The following DOCK6 variants were observed in gnomAD, a reference collection of about 807,000 sequenced individuals.
DOCK6 encodes dedicator of cytokinesis protein 6.
DOCK6 carries 167 observed loss-of-function variants against 230.3 expected under a neutral mutation model. That is an observed-to-expected ratio of 0.73 (90% CI 0.64 to 0.82). The LOEUF is 0.82. Ranked by LOEUF, DOCK6 falls within the 40% of genes least tolerant of loss-of-function variation. The probability of loss-of-function intolerance (pLI) is 0.00; values close to 1 mark genes in which losing one functional copy is unlikely to be tolerated. For missense variants in DOCK6, 2,598 were observed against 2,825.8 expected, an observed-to-expected ratio of 0.92 and a Z score of 1.83; for synonymous variants, 1,148 against 1,185.0, an observed-to-expected ratio of 0.97 and a Z score of 0.64.
At position 11,213,187 on chromosome 19, in the gene DOCK6, C is replaced by T. The variant is rs568049240; in HGVS notation, c.4480G>A (p.Glu1494Lys). Residue 1494 changes from glutamate (E) to lysine (K), a missense_variant, in exon 35 of 48, where the codon GAG (glutamate) becomes AAG (lysine). Coordinates refer to ENST00000294618, the MANE Select transcript of DOCK6 (RefSeq NM_020812.4). ...TAGCCCCCACTCACGTGGCCGATCTCGAAGTTCTGTCGCATGAGCAGGTAC... is the reference window on the plus strand; with the variant it reads ...TAGCCCCCACTCACGTGGCCGATCTTGAAGTTCTGTCGCATGAGCAGGTAC... ...SLYLLMRQNF[E>K]IGHNFARVKM... The T allele has an allele frequency of 5.0e-6, 8 of 1,612,000 alleles. No individual in the cohort carries two copies. Among genetic ancestry groups the T allele is most frequent in the South Asian group, 2.2e-5 (2 of 91,046 alleles).
chr19:11,252,789 T>C lies in DOCK6; in HGVS notation c.302A>G (p.Lys101Arg), dbSNP rs765353906. Reference sequence around the variant, plus strand: ...GGCGTGGGGCTGAACCCACTCATCCTTGGGGATCCCGGGCTCCGTGGTCCG... The same window carrying C: ...GGCGTGGGGCTGAACCCACTCATCCCTGGGGATCCCGGGCTCCGTGGTCCG... Reference protein sequence around the residue: ...ECRTTEPGIPKDEKLDAQVRA... With the variant: ...ECRTTEPGIPRDEKLDAQVRA... Residue 101 changes from lysine to arginine, a missense_variant, in exon 3 of 48, where the codon AAG (lysine) becomes AGG (arginine). Physicochemically the swap from Lys to Arg is conservative, Grantham distance 26. Coordinates refer to ENST00000294618, the MANE Select transcript of DOCK6 (RefSeq NM_020812.4). 14 of 1,610,636 alleles carry C rather than the reference T, an allele frequency of 8.7e-6. No individual in the cohort carries two copies. In the Admixed American group the frequency reaches 1.5e-4, roughly 17 times the overall value.
In DOCK6 at chr19:11,200,696, C is replaced by CT. The variant is rs777007977; in HGVS notation, c.5939+19dup. 5.0e-6 allele frequency: 8 copies of CT among 1,602,798 alleles called. No individual in the cohort carries two copies. The South Asian group carries it at 7.8e-5, about 16-fold the overall frequency. ...AGGTTAGGCAGACACGAGACCCCTCCTGGGGGGTTTTGCGCCTACTTCTTG... is the reference window on the plus strand; with the variant it reads ...AGGTTAGGCAGACACGAGACCCCTCCTTGGGGGGTTTTGCGCCTACTTCTTG... On this transcript the variant is annotated intron_variant, in intron 46 of 47. Coordinates refer to ENST00000294618, the MANE Select transcript of DOCK6 (RefSeq NM_020812.4). The surrounding 1 kb of genome is among the most constrained non-coding windows in gnomAD (Gnocchi z 4.3).
chr19:11,233,141 G>A (rs986349033), intron 22 of DOCK6, 62 bp downstream of exon 22: 32 of 1,570,008 alleles, frequency 2.0e-5, no homozygotes, highest in African/African-American at 5.4e-5. Context: ...CAGATTCTTC[G>A]CCCACACACG....
At position 11,208,677 on chromosome 19, in the gene DOCK6, A is replaced by T; in HGVS notation, c.5088+9T>A. On this transcript the variant is annotated intron_variant, in intron 39 of 47. Transcript: ENST00000294618. ...CCCCCTCTCCTGCACCCAGTCCCCAAGGCCTCACCATGGTGAAGTAGCCGG... is the reference window on the plus strand; with the variant it reads ...CCCCCTCTCCTGCACCCAGTCCCCATGGCCTCACCATGGTGAAGTAGCCGG... 1 of 1,607,494 alleles carries T rather than the reference A, an allele frequency of 6.2e-7. No individual in the cohort carries two copies. The highest frequency in any genetic ancestry group is 8.5e-7 in the Non-Finnish European group (1 of 1,174,966).
rs548561853 is a variant in DOCK6, at chr19:11,248,437, G to A, written c.721-286C>T. 7.4e-4 allele frequency among the ~76,000 whole-genome samples: 112 copies of A among 151,484 alleles called. 4 individuals carry two copies. The South Asian group carries it at 0.022, about 29-fold the overall frequency. On this transcript the variant is annotated intron_variant, in intron 6 of 47. Transcript: ENST00000294618. The stretch of plus-strand genomic sequence containing the variant: ...GCTTATTTTTTTTTTTTGAGATGGA[G>A]TCTCGCTCTGTCACCCATGCTGGAG...
At position 11,232,908 on chromosome 19, in the gene DOCK6, T is replaced by G. The variant is rs1021924274; in HGVS notation, c.2718+295A>C. ...GTGTATATGCACCTGTGTAGGTATA[T>G]GCATGAGGTGAATGTGTATATGCAC... is the stretch of plus-strand genomic sequence containing the variant. On this transcript the variant is annotated intron_variant, in intron 22 of 47. Transcript: ENST00000294618. 2.0e-5 allele frequency among the ~76,000 whole-genome samples: 3 copies of G among 152,026 alleles called. No individual in the cohort carries two copies. In the East Asian group the frequency reaches 5.8e-4, roughly 29 times the overall value.
Position 11,243,132 on chromosome 19 carries a change from G to A in DOCK6, c.1407C>T (p.Asp469=), listed in dbSNP as rs1275113872. 6.2e-6 allele frequency: 10 copies of A among 1,613,810 alleles called. No individual in the cohort carries two copies. Among genetic ancestry groups the A allele is most frequent in the African/African-American group, 2.7e-5 (2 of 74,908 alleles). The change falls in exon 13 of 48, where the codon GAC becomes GAT. Residue 469 remains aspartate (D), a synonymous_variant. Coordinates refer to ENST00000294618, the MANE Select transcript of DOCK6 (RefSeq NM_020812.4). The surrounding 1 kb of genome is among the most constrained non-coding windows in gnomAD (Gnocchi z 6.3). The part of the protein sequence containing the change: ...FFKQEAERLS[D]EDLFKFLADM... Reference sequence around the variant, plus strand: ...CAGCCAGGAACTTGAAGAGGTCCTCGTCACTGAGTCGCTCAGCCTCCTACA... The same window carrying A: ...CAGCCAGGAACTTGAAGAGGTCCTCATCACTGAGTCGCTCAGCCTCCTACA...
chr19:11,235,521 G>A (rs1403926432), intron 21 of DOCK6, 77 bp downstream of exon 21: 2 of 1,420,570 alleles, frequency 1.4e-6, no homozygotes, highest in Non-Finnish European at 1.9e-6. Context: ...AAAGTCCTGG[G>A]ATTACAGGCG....
chr19:11,205,140 C>T (rs569694657), intron 39 of DOCK6, among the ~76,000 whole-genome samples: 2 of 152,324 alleles, frequency 1.3e-5, no homozygotes, highest in African/African-American at 4.8e-5. Flanking sequence ...GTGAGGTTTG[C>T]TGACTGTCAG....
Position 11,202,815 on chromosome 19 carries a change from G to A in DOCK6, c.5236-106C>T, listed in dbSNP as rs1355185110. 20 of 1,571,440 alleles carry A rather than the reference G, an allele frequency of 1.3e-5. No homozygotes were observed. The East Asian group carries it at 1.6e-4, about 12-fold the overall frequency. Reference sequence around the variant, plus strand: ...ATCAGGATGGGAGTGTGAGGACCCCGAGAACATCAGGGCATGGGCACAGGC... The same window carrying A: ...ATCAGGATGGGAGTGTGAGGACCCCAAGAACATCAGGGCATGGGCACAGGC... On this transcript the variant is annotated intron_variant, in intron 41 of 47. Coordinates refer to ENST00000294618, the MANE Select transcript of DOCK6 (RefSeq NM_020812.4). The surrounding 1 kb of genome is among the most constrained non-coding windows in gnomAD (Gnocchi z 5.3).
At chr19:11,228,855 C>T in intron 23 of DOCK6, 85 bp downstream of exon 23, 2 of 1,362,196 alleles carry the variant, frequency 1.5e-6, no homozygotes, top group East Asian at 2.4e-5. Context: ...AGCCACTATG[C>T]CTGGCCAGGG....
rs1052730516 is a variant in DOCK6 at position 11,200,696 on chromosome 19, C to G, written c.5939+20G>C. ...AGGTTAGGCAGACACGAGACCCCTC[C>G]TGGGGGGTTTTGCGCCTACTTCTTG... On this transcript the variant is annotated intron_variant, in intron 46 of 47. Coordinates refer to ENST00000294618, the MANE Select transcript of DOCK6 (RefSeq NM_020812.4). The surrounding 1 kb of genome is among the most constrained non-coding windows in gnomAD (Gnocchi z 4.3). 6.2e-7 allele frequency: 1 copy of G among 1,602,798 alleles called. No individual in the cohort carries two copies. Among genetic ancestry groups the G allele is most frequent in the Non-Finnish European group, 8.5e-7 (1 of 1,175,064 alleles).
rs764917650 is a variant in DOCK6 at position 11,252,525 on chromosome 19, C to T, written c.334G>A (p.Ala112Thr). 28 of 1,613,752 alleles carry T rather than the reference C, an allele frequency of 1.7e-5. No homozygotes were observed. The highest frequency in any genetic ancestry group is 2.2e-5 in the Non-Finnish European group (26 of 1,179,902). ...CAGTCCTCAATATACATCTCCACCG[C>T]GGCCCTCACCTGGGCATCCAGTTTT... ...DEKLDAQVRA[A>T]VEMYIEDWVI... Residue 112 changes from alanine to threonine, a missense_variant, in exon 4 of 48, where the codon GCG becomes ACG. Ala to Thr is a moderately conservative substitution (Grantham distance 58). Transcript: ENST00000294618.
chr19:11,234,715 C>G (rs1022870441), intron 21 of DOCK6, among the ~76,000 whole-genome samples: 1 of 152,212 alleles, frequency 6.6e-6, no homozygotes, highest in Non-Finnish European at 1.5e-5. Flanking sequence ...GGATTCACAT[C>G]TAGGCAGCTC....
At chr19:11,252,424 C>T in intron 4 of DOCK6, 58 bp downstream of exon 4, 2 of 1,600,410 alleles carry the variant, frequency 1.2e-6, no homozygotes, top group South Asian at 1.1e-5. Context: ...CGGCTGCAGA[C>T]ATCAGCTCAG....
In DOCK6 at chr19:11,222,099, C is replaced by T; in HGVS notation, c.3380+10G>A. The stretch of plus-strand genomic sequence containing the variant: ...CACCTGTCCTGGGGCTAGACAGGAG[C>T]TCTGCTCACCCTTCAGCCTCAGGTT... On this transcript the variant is annotated intron_variant, in intron 27 of 47. Transcript: ENST00000294618. The surrounding 1 kb of genome is among the most constrained non-coding windows in gnomAD (Gnocchi z 4.0). 1.2e-6 allele frequency: 2 copies of T among 1,611,860 alleles called. No individual in the cohort carries two copies. The highest frequency in any genetic ancestry group is 8.5e-7 in the Non-Finnish European group (1 of 1,178,604).
intron 5 of DOCK6, 142 bp downstream of exon 5, chr19:11,251,977 C>T: frequency 3.2e-6 from 4 of 1,265,932 alleles, no homozygotes; most frequent in Middle Eastern, 2.7e-4. Context: ...ATTATGACCC[C>T]TAACTTTTTA....
At chr19:11,260,392 C>G (rs1290443369) in intron 1 of DOCK6, among the ~76,000 whole-genome samples, 1 of 151,918 alleles carries the variant, frequency 6.6e-6, no homozygotes, top group Non-Finnish European at 1.5e-5. Context: ...CCAGCCTGGG[C>G]AAGATAGTGA....
intron 14 of DOCK6, chr19:11,240,273 T>C: frequency 1.3e-6 from 2 of 1,582,110 alleles, no homozygotes; most frequent in Non-Finnish European, 1.7e-6. Flanking sequence ...GGGCCCTGCC[T>C]ACCGAGAATT....
Sources: allele counts gnomAD v4.1 joint callset (sites outside exome capture counted in the v4.1 genomes callset), GRCh38; gene constraint gnomAD v4.1.1; non-coding constraint Gnocchi (gnomAD v3.1); transcripts MANE v1.5; gene names NCBI Gene and HGNC (gene_info 2026-07-23, HGNC 2026-07-21).